The following ATP11C variants were observed in gnomAD, a reference collection of about 807,000 sequenced individuals.
ATP11C encodes phospholipid-transporting ATPase IG.
Under a neutral mutation model 97.4 loss-of-function variants are expected in ATP11C, and 36 were observed. The ratio of observed to expected loss-of-function variants is 0.37; its 90% confidence interval spans 0.28 to 0.49. The LOEUF (loss-of-function observed/expected upper bound fraction) is 0.49, where lower values mean the gene tolerates loss of function less well. Ranked by LOEUF, ATP11C falls within the 20% of genes least tolerant of loss-of-function variation. The pLI is 0.98. For missense variants in ATP11C, 730 were observed against 824.6 expected, an observed-to-expected ratio of 0.89 and a Z score of 1.40; for synonymous variants, 275 against 290.9, an observed-to-expected ratio of 0.95 and a Z score of 0.56.
intron 1 of ATP11C, among the ~76,000 whole-genome samples, chrX:139,878,129 T>C (rs1261844981): frequency 8.9e-6 from 1 of 112,481 alleles, no homozygotes; most frequent in Non-Finnish European, 1.9e-5. Context: ...TTTCTTAGCG[T>C]TATAACTTTA....
chrX:139,931,958 C>A lies in ATP11C; in HGVS notation c.27+58G>T. 3 of 1,123,966 alleles carry A rather than the reference C, an allele frequency of 2.7e-6. No homozygotes were observed. In the East Asian group the frequency reaches 1.0e-4, roughly 38 times the overall value. The allele number at this position is 1,123,966 out of a possible 1,213,427, so 92.6% of individuals were successfully genotyped here. A position where few individuals can be genotyped will look rare whatever the true frequency, so the allele number is the denominator to read the frequency against. Reference sequence around the variant, plus strand: ...CAGAAAATTGTTGTGAGGGACCCGGCGAAGGGGCTGGCGAGCAAGCAAACC... The same window carrying A: ...CAGAAAATTGTTGTGAGGGACCCGGAGAAGGGGCTGGCGAGCAAGCAAACC... On this transcript the variant is annotated intron_variant, in intron 1 of 29. Transcript: ENST00000682941.
chrX:139,900,798 C>T (rs771377577), intron 1 of ATP11C, among the ~76,000 whole-genome samples: 3 of 111,999 alleles, frequency 2.7e-5, no homozygotes, highest in Non-Finnish European at 5.6e-5. Context: ...ATTTTACTTA[C>T]CAAGTGTTAT....
chrX:139,917,955 CAAAAAAAAAAA>C (rs774133039), intron 1 of ATP11C, among the ~76,000 whole-genome samples: 7 of 38,403 alleles, frequency 1.8e-4, no homozygotes, highest in Non-Finnish European at 2.3e-4. Context: ...GGCTTTGTCT[CAAAAAAAAAAA>C]AAAAAAAAAA....
chrX:139,918,614 G>A (rs1258328497), intron 1 of ATP11C, among the ~76,000 whole-genome samples: 1 of 104,313 alleles, frequency 9.6e-6, no homozygotes, highest in African/African-American at 3.5e-5. Flanking sequence ...CTCCAGCCTG[G>A]GTGACAAAGC....
At chrX:139,750,196 C>G (rs2081783397) in intron 23 of ATP11C, 44 bp from the exon 24 acceptor site, 2 of 1,115,955 alleles carry the variant, frequency 1.8e-6, no homozygotes, top group Middle Eastern at 2.5e-4. Context: ...TTTCATGTAA[C>G]AATCATCTAC....
intron 16 of ATP11C, among the ~76,000 whole-genome samples, chrX:139,783,867 T>TAA (rs60998113): frequency 0.18 from 18,085 of 101,515 alleles, 2,995 homozygotes; most frequent in African/African-American, 0.49. Context: ...TACCGTGTCT[T>TAA]AAAAAAAAAA....
chrX:139,868,950 C>CA (rs749660069), intron 1 of ATP11C, among the ~76,000 whole-genome samples: 18 of 111,245 alleles, frequency 1.6e-4, no homozygotes, highest in Non-Finnish European at 3.2e-4. Context: ...TGGATATTAT[C>CA]AAAAAAATCA....
chrX:139,842,568 T>G (rs1245917864), intron 1 of ATP11C, among the ~76,000 whole-genome samples: 2 of 112,348 alleles, frequency 1.8e-5, no homozygotes, highest in Non-Finnish European at 3.8e-5. Flanking sequence ...GAAACACAAG[T>G]AGGACATAAG....
intron 3 of ATP11C, 63 bp from the exon 4 acceptor site, chrX:139,817,006 T>G (rs2083299961): frequency 7.4e-6 from 5 of 678,754 alleles, no homozygotes; most frequent in Non-Finnish European, 9.0e-6. Context: ...TATGCAGCAC[T>G]TACATGCTGC....
intron 25 of ATP11C, among the ~76,000 whole-genome samples, chrX:139,745,217 A>C (rs12689199): frequency 9.0e-6 from 1 of 111,229 alleles, no homozygotes; most frequent in Non-Finnish European, 1.9e-5. Context: ...TGTTCTGGGA[A>C]GACACTGGCA....
rs1391674842 is a variant in ATP11C, at chrX:139,798,364, T to G, written c.776-10A>C. On this transcript the variant is annotated splice_polypyrimidine_tract_variant and intron_variant, in intron 9 of 29. Transcript: ENST00000682941. ...GTGTAAACAGCAACTCCTAAGAAAT[T>G]ACAGAATATAATAAAAACTAAGAAC... The G allele has an allele frequency of 8.7e-7, 1 of 1,150,073 alleles. No homozygotes were observed. Among genetic ancestry groups the G allele is most frequent in the African/African-American group, 1.8e-5 (1 of 55,528 alleles). The allele number at this position is 1,150,073 out of a possible 1,213,427, so 94.8% of individuals were successfully genotyped here.
intron 18 of ATP11C, among the ~76,000 whole-genome samples, chrX:139,781,393 C>G (rs750917723): frequency 8.9e-6 from 1 of 112,670 alleles, no homozygotes; most frequent in East Asian, 2.8e-4. Flanking sequence ...TGAAAAAGGT[C>G]AGCCTGTAAG....
At chrX:139,856,262 A>G (rs1210877310) in intron 1 of ATP11C, among the ~76,000 whole-genome samples, 1 of 112,482 alleles carries the variant, frequency 8.9e-6, no homozygotes, top group African/African-American at 3.2e-5. Flanking sequence ...TCTCTCTGCT[A>G]TATCTTGAAG....
At chrX:139,816,757 T>A in intron 4 of ATP11C, 106 bp downstream of exon 4, 2 of 448,529 alleles carry the variant, frequency 4.5e-6, no homozygotes, top group Non-Finnish European at 7.6e-6. Flanking sequence ...AATAAATCCA[T>A]AAAGGATACT....
intron 2 of ATP11C, among the ~76,000 whole-genome samples, chrX:139,821,439 A>G (rs1176064801): frequency 2.7e-5 from 3 of 112,164 alleles, no homozygotes; most frequent in Admixed American, 1.9e-4. Context: ...TTTCTAAAAC[A>G]ATAAGCTAAA....
chrX:139,749,565 GT>G (rs1035945155), intron 24 of ATP11C, among the ~76,000 whole-genome samples: 11 of 111,705 alleles, frequency 9.8e-5, no homozygotes, highest in Non-Finnish European at 1.5e-4. Flanking sequence ...TTCTTCAACA[GT>G]TTTAGAATGG....
chrX:139,874,831 T>C (rs1283737378), intron 1 of ATP11C, among the ~76,000 whole-genome samples: 1 of 112,139 alleles, frequency 8.9e-6, no homozygotes, highest in East Asian at 2.8e-4. Flanking sequence ...GTAAAATGAA[T>C]GAAATCTGCT....
chrX:139,789,030 G>A (rs1449548644), intron 13 of ATP11C, among the ~76,000 whole-genome samples: 28 of 110,278 alleles, frequency 2.5e-4, no homozygotes, highest in African/African-American at 1.3e-4. Flanking sequence ...GTGAAACTCC[G>A]TTTCTACTAA....
chrX:139,838,277 A>G (rs1303333187), intron 1 of ATP11C, among the ~76,000 whole-genome samples: 1 of 112,184 alleles, frequency 8.9e-6, no homozygotes, highest in Admixed American at 9.4e-5. Context: ...TCTGTCCAAT[A>G]TACCTTTGAG....
Sources: gnomAD v4.1 joint callset for allele counts (sites outside exome capture counted in the v4.1 genomes callset) on GRCh38, gnomAD v4.1.1 for gene constraint, MANE v1.5 for transcripts, NCBI Gene and HGNC (gene_info 2026-07-23, HGNC 2026-07-21) for gene names.